LRRTM3: variants seen among roughly 807,000 people sequenced by gnomAD.
LRRTM3 encodes leucine rich repeat transmembrane neuronal 3, also known as leucine-rich repeat transmembrane neuronal protein 3.
A neutral mutation model predicts 44.7 loss-of-function variants in LRRTM3; 24 were observed. The ratio of observed to expected loss-of-function variants is 0.54; its 90% CI spans 0.39 to 0.76. The LOEUF is 0.76. Among genes scored for constraint, LRRTM3 ranks in the 30% least tolerant of loss-of-function variants. The pLI is 0.00. For missense variants in LRRTM3, 587 were observed against 702.2 expected, an observed-to-expected ratio of 0.84 and a Z score of 1.85; for synonymous variants, 277 against 278.7, an observed-to-expected ratio of 0.99 and a Z score of 0.06.
intron 2 of LRRTM3, among the ~76,000 whole-genome samples, chr10:67,042,640 G>A (rs938448714): frequency 6.6e-6 from 1 of 151,740 alleles, no homozygotes; most frequent in Non-Finnish European, 1.5e-5. Flanking sequence ...GAGAAGGAAC[G>A]GAGGAAAAGT....
chr10:66,946,194 C>A (rs1353119856), intron 2 of LRRTM3, among the ~76,000 whole-genome samples: 1 of 152,048 alleles, frequency 6.6e-6, no homozygotes, highest in African/African-American at 2.4e-5. Flanking sequence ...GGTGTGCCTG[C>A]ACTCTGTTGG....
At chr10:67,097,484 A>G (rs1858073310) in intron 2 of LRRTM3, 103 bp from the exon 3 acceptor site, 2 of 971,770 alleles carry the variant, frequency 2.1e-6, no homozygotes, top group Admixed American at 3.7e-5. Context: ...GGCCACAGAT[A>G]TAACCATGGA....
intron 2 of LRRTM3, among the ~76,000 whole-genome samples, chr10:66,974,893 A>G (rs992084941): frequency 1.3e-5 from 2 of 152,104 alleles, no homozygotes; most frequent in African/African-American, 2.4e-5. Context: ...AGCATTCTTA[A>G]TAATACATTT....
At position 67,022,862 on chromosome 10, in the gene LRRTM3, C is replaced by T. The variant is rs146056528; in HGVS notation, c.1537-74725C>T. ...CTGAGGCAGGAGAATAGCTTGAACC[C>T]GGGTGGCGGAGGTTGCAGTGAGCCG... is the stretch of plus-strand genomic sequence containing the variant. On this transcript the variant is annotated intron_variant, in intron 2 of 2. Coordinates refer to ENST00000361320, the MANE Select transcript of LRRTM3 (RefSeq NM_178011.5). 9.0e-3 allele frequency among the ~76,000 whole-genome samples: 1,375 copies of T among 152,084 alleles called. 83 individuals carry two copies. Among genetic ancestry groups the T allele is most frequent in the Admixed American group, 0.083 (1,260 of 15,260 alleles).
chr10:66,984,540 A>G (rs981232255), intron 2 of LRRTM3, among the ~76,000 whole-genome samples: 1 of 152,202 alleles, frequency 6.6e-6, no homozygotes, highest in African/African-American at 2.4e-5. Context: ...CAAAGCCATG[A>G]GGATAGATTA....
chr10:67,034,484 G>A lies in LRRTM3; in HGVS notation c.1537-63103G>A, dbSNP rs140235273. 2.0e-5 allele frequency among the ~76,000 whole-genome samples: 3 copies of A among 152,274 alleles called. No homozygotes were observed. In the East Asian group the frequency reaches 5.8e-4, roughly 29 times the overall value. ...GTGTCCAGTGCCTATACTCTCTAGT[G>A]TCTTAGGCTCTCCCTTTCTGGTTCC... On this transcript the variant is annotated intron_variant, in intron 2 of 2. Transcript: ENST00000361320.
At chr10:67,005,687 T>TTTTTTTTTGTTTTTG (rs1554895949) in intron 2 of LRRTM3, among the ~76,000 whole-genome samples, 7 of 102,322 alleles carry the variant, frequency 6.8e-5, no homozygotes, top group African/African-American at 2.2e-4. Context: ...TCCATCTTTT[T>TTTTTTTTTGTTTTTG]TTTTTTTTTT....
At chr10:66,985,705 A>G (rs2088214116) in intron 2 of LRRTM3, among the ~76,000 whole-genome samples, 1 of 151,990 alleles carries the variant, frequency 6.6e-6, no homozygotes, top group African/African-American at 2.4e-5. Flanking sequence ...ACTTCCTACC[A>G]CATTCTTTCT....
At chr10:66,997,247 G>A (rs1417386770) in intron 2 of LRRTM3, among the ~76,000 whole-genome samples, 2 of 152,122 alleles carry the variant, frequency 1.3e-5, no homozygotes, top group African/African-American at 4.8e-5. Context: ...TTCATAGGCA[G>A]AGGTCTTATA....
chr10:66,963,660 G>A (rs945688447), intron 2 of LRRTM3, among the ~76,000 whole-genome samples: 2 of 152,020 alleles, frequency 1.3e-5, no homozygotes, highest in Non-Finnish European at 1.5e-5. Flanking sequence ...TTCAGGGTAA[G>A]GTATAGAGGG....
intron 2 of LRRTM3, among the ~76,000 whole-genome samples, chr10:67,070,636 G>A (rs1054106745): frequency 2.0e-5 from 3 of 151,746 alleles, no homozygotes; most frequent in Non-Finnish European, 4.4e-5. Flanking sequence ...CTTCCCAGCT[G>A]CTTGGGAGGC....
intron 2 of LRRTM3, among the ~76,000 whole-genome samples, chr10:66,995,993 T>C (rs1005508953): frequency 6.6e-6 from 1 of 152,210 alleles, no homozygotes; most frequent in Non-Finnish European, 1.5e-5. Context: ...TACCTTACTA[T>C]TATATCCTAC....
chr10:67,078,273 T>C (rs550328895), intron 2 of LRRTM3, among the ~76,000 whole-genome samples: 163 of 152,336 alleles, frequency 1.1e-3, no homozygotes, highest in African/African-American at 3.4e-3. Flanking sequence ...TAATGTGTAC[T>C]TCCAAGACTG....
At chr10:67,056,934 G>A (rs974671028) in intron 2 of LRRTM3, among the ~76,000 whole-genome samples, 3 of 152,044 alleles carry the variant, frequency 2.0e-5, no homozygotes, top group African/African-American at 7.2e-5. Flanking sequence ...CATGCTCCTG[G>A]GTGCAAAAGA....
chr10:66,950,831 G>C (rs1198079957), intron 2 of LRRTM3, among the ~76,000 whole-genome samples: 3 of 152,134 alleles, frequency 2.0e-5, no homozygotes, highest in African/African-American at 7.2e-5. Flanking sequence ...AGAGATTTTA[G>C]AGGCTTCGCA....
At chr10:67,049,217 G>A (rs999204524) in intron 2 of LRRTM3, among the ~76,000 whole-genome samples, 1 of 152,016 alleles carries the variant, frequency 6.6e-6, no homozygotes, top group Non-Finnish European at 1.5e-5. Context: ...GAAACAGGAG[G>A]CAGGGTCAGT....
chr10:67,006,281 C>T (rs1197944330), intron 2 of LRRTM3, among the ~76,000 whole-genome samples: 1 of 152,072 alleles, frequency 6.6e-6, no homozygotes, highest in Non-Finnish European at 1.5e-5. Flanking sequence ...CACCACTTAA[C>T]TATTAAGTGG....
At chr10:66,953,666 C>T (rs1848651000) in intron 2 of LRRTM3, among the ~76,000 whole-genome samples, 1 of 152,050 alleles carries the variant, frequency 6.6e-6, no homozygotes, top group Non-Finnish European at 1.5e-5. Flanking sequence ...CATCTATTTT[C>T]TACATAATAA....
chr10:66,926,225 A>C lies in LRRTM3; in HGVS notation c.-359A>C, dbSNP rs938631009. The C allele has an allele frequency of 6.7e-6, 3 of 450,100 alleles. No individual in the cohort carries two copies. The highest frequency in any genetic ancestry group is 1.3e-5 in the Non-Finnish European group (3 of 236,152). 27.9% of individuals were successfully genotyped at this position (450,100 alleles called of 1,614,324 possible). On this transcript the variant is annotated 5_prime_UTR_variant, in exon 1 of 3. Transcript: ENST00000361320. Reference sequence around the variant, plus strand: ...AGCCCCAAATTGCCTGGAAGAATACATCATGTTTTTCGATAAGAAGAAATT... The same window carrying C: ...AGCCCCAAATTGCCTGGAAGAATACCTCATGTTTTTCGATAAGAAGAAATT...
Sources: gnomAD v4.1 joint callset for allele counts (sites outside exome capture counted in the v4.1 genomes callset) on GRCh38, gnomAD v4.1.1 for gene constraint, MANE v1.5 for transcripts, NCBI Gene and HGNC (gene_info 2026-07-23, HGNC 2026-07-21) for gene names.